The following PTH2R variants were observed in gnomAD, a reference collection of about 807,000 sequenced individuals.
The protein encoded by PTH2R is parathyroid hormone 2 receptor.
In PTH2R, 59 loss-of-function variants were observed where a neutral mutation model predicts 60.3. The observed-to-expected ratio is 0.98, with a 90% CI of 0.79 to 1.22. The LOEUF is 1.22. Ranked by LOEUF, PTH2R falls within the 50% of genes most tolerant of loss-of-function variation. The probability of loss-of-function intolerance (pLI) is 0.00; values close to 1 mark genes in which losing one functional copy is unlikely to be tolerated. For missense variants in PTH2R, 749 were observed against 682.6 expected, an observed-to-expected ratio of 1.10 and a Z score of -1.08; for synonymous variants, 256 against 243.8, an observed-to-expected ratio of 1.05 and a Z score of -0.47.
chr2:208,490,870 G>A (rs745789053), intron 12 of PTH2R, among the ~76,000 whole-genome samples, 190 bp downstream of exon 12: 3 of 152,130 alleles, frequency 2.0e-5, no homozygotes, highest in Non-Finnish European at 2.9e-5. Context: ...TCCTCTTCTA[G>A]CACTTTTAAA....
chr2:208,365,536 G>T (rs1700561751), intron 1 of PTH2R, among the ~76,000 whole-genome samples: 1 of 152,052 alleles, frequency 6.6e-6, no homozygotes, highest in Non-Finnish European at 1.5e-5. Flanking sequence ...AATCCCACTT[G>T]ATCATGGTGA....
At chr2:208,468,760 G>A (rs1329018344) in intron 9 of PTH2R, among the ~76,000 whole-genome samples, 1 of 152,140 alleles carries the variant, frequency 6.6e-6, no homozygotes, top group East Asian at 1.9e-4. Context: ...CAACATCACA[G>A]TATATCATGT....
At chr2:208,477,352 T>C (rs1433196944) in intron 9 of PTH2R, among the ~76,000 whole-genome samples, 3 of 152,070 alleles carry the variant, frequency 2.0e-5, no homozygotes, top group African/African-American at 7.2e-5. Context: ...CAAAGAAAAC[T>C]CCAGGAACCA....
At chr2:208,430,270 A>G (rs1701942426) in intron 2 of PTH2R, among the ~76,000 whole-genome samples, 1 of 152,098 alleles carries the variant, frequency 6.6e-6, no homozygotes, top group Admixed American at 6.5e-5. Flanking sequence ...ATGTTATTAT[A>G]ATTTTTCTTC....
At chr2:208,465,986 C>T (rs1384570815) in intron 9 of PTH2R, among the ~76,000 whole-genome samples, 1 of 151,856 alleles carries the variant, frequency 6.6e-6, no homozygotes, top group Non-Finnish European at 1.5e-5. Context: ...TCAGCTGAAA[C>T]ATTTGGTGTG....
chr2:208,371,462 CTGTT>C (rs1700699964), intron 1 of PTH2R, among the ~76,000 whole-genome samples: 1 of 152,096 alleles, frequency 6.6e-6, no homozygotes, highest in Non-Finnish European at 1.5e-5. Context: ...TTACCACTGG[CTGTT>C]TGGGAAGTGA....
rs540726329 is a variant in PTH2R at position 208,373,950 on chromosome 2, A to G, written c.-259+13713A>G. Among the ~76,000 whole-genome samples, 10 of 152,204 alleles carry G rather than the reference A, an allele frequency of 6.6e-5. No individual in the cohort carries two copies. In the East Asian group the frequency reaches 1.7e-3, roughly 26 times the overall value. ...CTAAAAGCTTTTTACTTGAAAGCAA[A>G]TACACTTCATATGCTTTATGTATTT... On this transcript the variant is annotated intron_variant, in intron 1 of 12. Coordinates refer to the PTH2R transcript ENST00000617735.
In PTH2R at chr2:208,424,080, G is replaced by A. The variant is rs144328419; in HGVS notation, c.76-4121G>A. Among the ~76,000 whole-genome samples the A allele has an allele frequency of 3.5e-3, 539 of 152,220 alleles. 3 individuals are homozygous for A. The highest frequency in any genetic ancestry group is 0.012 in the African/African-American group (509 of 41,530). ...ATGGGAGTAGCCTTGTTACTGCTAG[G>A]CTGACTCTCCACTAGGTCTTCTCTG... On this transcript the variant is annotated intron_variant, in intron 1 of 12. Coordinates refer to ENST00000272847, the MANE Select transcript of PTH2R (RefSeq NM_005048.4).
intron 1 of PTH2R, among the ~76,000 whole-genome samples, chr2:208,414,978 A>G (rs1014266086): frequency 2.0e-5 from 3 of 152,182 alleles, no homozygotes; most frequent in Non-Finnish European, 4.4e-5. Flanking sequence ...AAAAATGAGG[A>G]AAGCCTGAGA....
At chr2:208,432,130 G>A (rs576168532) in intron 2 of PTH2R, among the ~76,000 whole-genome samples, 1 of 152,294 alleles carries the variant, frequency 6.6e-6, no homozygotes, top group East Asian at 1.9e-4. Flanking sequence ...TATCTGTGAT[G>A]GCTGATAAGC....
At chr2:208,484,289 G>T (rs190038803) in intron 10 of PTH2R, among the ~76,000 whole-genome samples, 1 of 152,310 alleles carries the variant, frequency 6.6e-6, no homozygotes, top group East Asian at 1.9e-4. Flanking sequence ...CCCTTAGTTG[G>T]CATGGTGGTT....
At chr2:208,398,938 A>G (rs1040776373) in intron 1 of PTH2R, among the ~76,000 whole-genome samples, 1 of 152,252 alleles carries the variant, frequency 6.6e-6, no homozygotes, top group Non-Finnish European at 1.5e-5. Context: ...CATTTGGCAC[A>G]GATTTCCAAA....
At chr2:208,449,457 A>AGATG (rs1452176509) in intron 7 of PTH2R, among the ~76,000 whole-genome samples, 1 of 151,846 alleles carries the variant, frequency 6.6e-6, no homozygotes, top group Non-Finnish European at 1.5e-5. Context: ...ATAGATAAAT[A>AGATG]GATAGATAGA....
At position 208,488,992 on chromosome 2, in the gene PTH2R, G is replaced by C; in HGVS notation, c.1077-20G>C. The C allele has an allele frequency of 6.2e-7, 1 of 1,613,076 alleles. No individual in the cohort carries two copies. The highest frequency in any genetic ancestry group is 8.5e-7 in the Non-Finnish European group (1 of 1,179,518). ...AGGCACTCTAGTTAATGAATGAAAA[G>C]ACTTGCTGTTCTCCTTTAGGAAACT... On this transcript the variant is annotated intron_variant, in intron 10 of 12. Transcript: ENST00000272847.
In PTH2R at chr2:208,382,393, A is replaced by G. The variant is rs562465627; in HGVS notation, c.-259+22156A>G. Reference sequence around the variant, plus strand: ...TAAAATGAAGAGAAACTGTCAAACTATTTTCCATAATGGCTCTACCATACT... The same window carrying G: ...TAAAATGAAGAGAAACTGTCAAACTGTTTTCCATAATGGCTCTACCATACT... On this transcript the variant is annotated intron_variant, in intron 1 of 12. Transcript: ENST00000617735. 6.6e-5 allele frequency among the ~76,000 whole-genome samples: 10 copies of G among 152,196 alleles called. No individual in the cohort carries two copies. The South Asian group carries it at 2.1e-3, about 32-fold the overall frequency.
chr2:208,375,654 CA>C (rs1342116978), intron 1 of PTH2R, among the ~76,000 whole-genome samples: 6 of 152,098 alleles, frequency 3.9e-5, no homozygotes, highest in African/African-American at 1.5e-4. Context: ...TACCAGAGCC[CA>C]GCAGCCTGTG....
At chr2:208,419,272 T>G (rs1197403436) in intron 1 of PTH2R, among the ~76,000 whole-genome samples, 1 of 152,266 alleles carries the variant, frequency 6.6e-6, no homozygotes, top group African/African-American at 2.4e-5. Flanking sequence ...TGATGGCCAG[T>G]GATGCTGAGC....
At chr2:208,360,374 CTGGGATGAGGGCAGCG>C in intron 1 of PTH2R, 1 of 307,104 alleles carries the variant, frequency 3.3e-6, no homozygotes, top group Non-Finnish European at 6.5e-6. Flanking sequence ...TCCCTGGCAG[CTGGGATGAGGGCAGCG>C]TGCTCCTCGC....
intron 1 of PTH2R, among the ~76,000 whole-genome samples, chr2:208,389,537 T>G (rs1275137945): frequency 6.6e-6 from 1 of 152,198 alleles, no homozygotes; most frequent in African/African-American, 2.4e-5. Flanking sequence ...AAATGGAAGT[T>G]AGCGCACGTT....
Sources: gnomAD v4.1 joint callset for allele counts (sites outside exome capture counted in the v4.1 genomes callset) on GRCh38, gnomAD v4.1.1 for gene constraint, MANE v1.5 for transcripts, NCBI Gene and HGNC (gene_info 2026-07-23, HGNC 2026-07-21) for gene names.